The following TNPO1 variants were observed in gnomAD, a reference collection of about 807,000 sequenced individuals.
TNPO1 encodes transportin 1, also known as transportin-1.
A neutral mutation model predicts 119.5 loss-of-function variants in TNPO1; 8 were observed. The ratio of observed to expected loss-of-function variants is 0.07; its 90% CI spans 0.04 to 0.12. The LOEUF is 0.12. Ranked by LOEUF, TNPO1 falls within the 10% of genes least tolerant of loss-of-function variation. The pLI, the probability that TNPO1 is intolerant of heterozygous loss-of-function variation, is 1.00. For missense variants in TNPO1, 576 were observed against 1,089.8 expected, an observed-to-expected ratio of 0.53 and a Z score of 6.64; for synonymous variants, 362 against 363.0, an observed-to-expected ratio of 1.00 and a Z score of 0.03.
chr5:72,830,231 G>A (rs1463858807), intron 1 of TNPO1, among the ~76,000 whole-genome samples: 3 of 151,964 alleles, frequency 2.0e-5, no homozygotes, highest in South Asian at 2.1e-4. Flanking sequence ...TGTTAGGTAC[G>A]TGGCAGGCAA....
chr5:72,893,830 T>A, intron 18 of TNPO1, 127 bp downstream of exon 18: 2 of 888,738 alleles, frequency 2.3e-6, no homozygotes, highest in Non-Finnish European at 3.5e-6. Context: ...CTTTATTGGT[T>A]AAAGTAAACT....
chr5:72,881,122 T>C (rs901740299), intron 9 of TNPO1, among the ~76,000 whole-genome samples: 1 of 152,172 alleles, frequency 6.6e-6, no homozygotes, highest in African/African-American at 2.4e-5. Context: ...TTTATTATTA[T>C]TATTTTGAGA....
chr5:72,900,902 A>G (rs1048692517), intron 21 of TNPO1, 72 bp from the exon 22 acceptor site: 3 of 1,003,066 alleles, frequency 3.0e-6, no homozygotes, highest in African/African-American at 3.3e-5. Context: ...ATTCCATTAA[A>G]TACTGTCCAT....
intron 22 of TNPO1, 148 bp downstream of exon 22, chr5:72,901,221 C>T (rs1404205512): frequency 1.9e-6 from 1 of 512,870 alleles, no homozygotes; most frequent in East Asian, 3.5e-5. Context: ...TTCTTAATAT[C>T]TTGAAATTGT....
intron 20 of TNPO1, among the ~76,000 whole-genome samples, chr5:72,897,990 T>A (rs1749557544): frequency 6.6e-6 from 1 of 152,142 alleles, no homozygotes; most frequent in Admixed American, 6.5e-5. Context: ...CTAATGCTAT[T>A]AAAATTGATA....
intron 3 of TNPO1, among the ~76,000 whole-genome samples, chr5:72,853,321 G>C (rs1461544865): frequency 1.3e-5 from 2 of 152,164 alleles, no homozygotes; most frequent in Non-Finnish European, 2.9e-5. Flanking sequence ...ACACACCTGT[G>C]GTCCCGCTAC....
At chr5:72,856,460 T>C (rs1244636591) in intron 4 of TNPO1, among the ~76,000 whole-genome samples, 2 of 152,182 alleles carry the variant, frequency 1.3e-5, no homozygotes, top group African/African-American at 4.8e-5. Flanking sequence ...CTATAACTCC[T>C]GACCTCAGGT....
chr5:72,897,138 G>A lies in TNPO1; in HGVS notation c.2325G>A (p.Leu775=), dbSNP rs1254556131. The A allele has an allele frequency of 1.2e-6, 2 of 1,608,218 alleles. No individual in the cohort carries two copies. The highest frequency in any genetic ancestry group is 1.7e-5 in the Admixed American group (1 of 58,458). The change falls in exon 20 of 25, where the codon TTG becomes TTA. Residue 775 remains leucine (L), a synonymous_variant. Coordinates refer to ENST00000337273, the MANE Select transcript of TNPO1 (RefSeq NM_002270.4). ...IINRPNTPKT[L]LENTAITIGR... is the part of the protein sequence containing the mutation. The stretch of plus-strand genomic sequence containing the variant: ...ACAGACCCAACACACCAAAGACGTT[G>A]TTAGAGAATACAGGTACCATATGAC...
rs143185201 is a variant in TNPO1 at position 72,850,328 on chromosome 5, T to C, written c.130-916T>C. On this transcript the variant is annotated intron_variant, in intron 2 of 24. Coordinates refer to ENST00000337273, the MANE Select transcript of TNPO1 (RefSeq NM_002270.4). ...CCATTCACTAAAACAAGAATTACTG[T>C]CTTGGTTGGAGAAAGTAGTTACACC... is the stretch of plus-strand genomic sequence containing the variant. 2.4e-3 allele frequency among the ~76,000 whole-genome samples: 363 copies of C among 152,324 alleles called. 3 individuals carry two copies. In the East Asian group the frequency reaches 0.033, roughly 14 times the overall value.
chr5:72,859,098 TTCA>T (rs1746233868), intron 4 of TNPO1, among the ~76,000 whole-genome samples: 1 of 152,170 alleles, frequency 6.6e-6, no homozygotes, highest in African/African-American at 2.4e-5. Context: ...CAACAGACTC[TTCA>T]TCACTTACTA....
chr5:72,900,876 C>G, intron 21 of TNPO1, 98 bp from the exon 22 acceptor site: 1 of 665,224 alleles, frequency 1.5e-6, no homozygotes, highest in South Asian at 3.7e-5. Context: ...TAATCATTAT[C>G]TATACTGTGG....
rs187255153 is a variant in TNPO1, at chr5:72,880,960, G to A, written c.921-1507G>A. ...ACATGCCAAATTGCCACATGGTCACGGTTAATTTCCATGTCTTATTTTCTG... is the reference window on the plus strand; with the variant it reads ...ACATGCCAAATTGCCACATGGTCACAGTTAATTTCCATGTCTTATTTTCTG... On this transcript the variant is annotated intron_variant, in intron 9 of 24. Coordinates refer to ENST00000337273, the MANE Select transcript of TNPO1 (RefSeq NM_002270.4). Among the ~76,000 whole-genome samples the A allele has an allele frequency of 2.1e-3, 325 of 152,132 alleles. 2 individuals are homozygous for A. Among genetic ancestry groups the A allele is most frequent in the African/African-American group, 6.8e-3 (283 of 41,510 alleles).
rs758510491 is a variant in TNPO1 at position 72,877,293 on chromosome 5, A to G, written c.867A>G (p.Leu289=). Residue 289 remains leucine, a synonymous_variant, in exon 9 of 25, where the codon CTA becomes CTG. Coordinates refer to ENST00000337273, the MANE Select transcript of TNPO1 (RefSeq NM_002270.4). Reference sequence around the variant, plus strand: ...CTTTAGAAGCCTGTGAATTTTGGCTAACTTTAGCTGAACAGCCAATATGCA... The same window carrying G: ...CTTTAGAAGCCTGTGAATTTTGGCTGACTTTAGCTGAACAGCCAATATGCA... ...NVALEACEFW[L]TLAEQPICKD... is the part of the protein sequence containing the mutation. 8.1e-6 allele frequency: 13 copies of G among 1,613,152 alleles called. No homozygotes were observed. Among genetic ancestry groups the G allele is most frequent in the Non-Finnish European group, 1.1e-5 (13 of 1,179,406 alleles).
rs946004906 is a variant in TNPO1, at chr5:72,862,963, A to G, written c.462+1049A>G. 8.0e-5 allele frequency among the ~76,000 whole-genome samples: 12 copies of G among 149,254 alleles called. 1 individual carries two copies. The highest frequency in any genetic ancestry group is 3.0e-4 in the African/African-American group (12 of 40,196). ...GCGCCGGACCATTGTCTTCGTTGTA[A>G]TCATACATTAACTCTGACCTGTGGG... is the stretch of plus-strand genomic sequence containing the variant. On this transcript the variant is annotated intron_variant, in intron 5 of 24. Coordinates refer to ENST00000337273, the MANE Select transcript of TNPO1 (RefSeq NM_002270.4).
At chr5:72,876,725 C>G (rs1022621596) in intron 8 of TNPO1, among the ~76,000 whole-genome samples, 1 of 152,142 alleles carries the variant, frequency 6.6e-6, no homozygotes, top group East Asian at 1.9e-4. Flanking sequence ...TCACTGAACA[C>G]TTTTCATTGA....
chr5:72,905,805 G>C (rs181259238), intron 24 of TNPO1, among the ~76,000 whole-genome samples: 21 of 152,308 alleles, frequency 1.4e-4, no homozygotes, highest in African/African-American at 4.8e-4. Flanking sequence ...GCTGAGGTGG[G>C]AATATTGTTT....
At chr5:72,891,474 A>G (rs1213007605) in intron 14 of TNPO1, among the ~76,000 whole-genome samples, 1 of 152,128 alleles carries the variant, frequency 6.6e-6, no homozygotes, top group Admixed American at 6.5e-5. Context: ...CAAAAAAAAG[A>G]GAAAAACTTA....
At chr5:72,850,548 TGTTA>T (rs1360769150) in intron 2 of TNPO1, among the ~76,000 whole-genome samples, 5 of 152,130 alleles carry the variant, frequency 3.3e-5, no homozygotes, top group South Asian at 2.1e-4. Flanking sequence ...TTGGGAAGCA[TGTTA>T]GTTAGGGGTT....
intron 4 of TNPO1, among the ~76,000 whole-genome samples, chr5:72,860,099 T>C (rs1309954508): frequency 6.6e-6 from 1 of 152,156 alleles, no homozygotes; most frequent in Non-Finnish European, 1.5e-5. Flanking sequence ...TGCCGGGAGC[T>C]TTACTTTCTA....
Sources: allele counts gnomAD v4.1 joint callset (sites outside exome capture counted in the v4.1 genomes callset), GRCh38; gene constraint gnomAD v4.1.1; transcripts MANE v1.5; gene names NCBI Gene and HGNC (gene_info 2026-07-23, HGNC 2026-07-21).